Variants in ARHGEF9 observed in about 807,000 individuals in gnomAD.
The protein encoded by ARHGEF9 is Cdc42 guanine nucleotide exchange factor 9.
In ARHGEF9, 2 loss-of-function variants were observed where a neutral mutation model predicts 41.3. The ratio of observed to expected loss-of-function variants is 0.05; its 90% CI spans 0.02 to 0.15. ARHGEF9 has a LOEUF of 0.15. Among genes scored for constraint, ARHGEF9 ranks in the 10% least tolerant of loss-of-function variants. ARHGEF9 has a pLI of 1.00. For missense variants in ARHGEF9, 225 were observed against 424.7 expected, an observed-to-expected ratio of 0.53 and a Z score of 4.13; for synonymous variants, 160 against 154.4, an observed-to-expected ratio of 1.04 and a Z score of -0.27.
At chrX:63,759,148 A>G (rs1244328733) in intron 1 of ARHGEF9, among the ~76,000 whole-genome samples, 1 of 111,385 alleles carries the variant, frequency 9.0e-6, no homozygotes, top group African/African-American at 3.3e-5. Context: ...AAGCCCTTGT[A>G]TCTTAAGTCT....
chrX:63,667,969 T>C (rs1438670313), intron 6 of ARHGEF9, among the ~76,000 whole-genome samples: 1 of 110,732 alleles, frequency 9.0e-6, no homozygotes, highest in Non-Finnish European at 1.9e-5. Flanking sequence ...ACTTTGAATA[T>C]GTATGAAGTC....
intron 1 of ARHGEF9, among the ~76,000 whole-genome samples, chrX:63,767,796 C>T (rs1556452584): frequency 1.8e-5 from 2 of 112,141 alleles, no homozygotes; most frequent in African/African-American, 6.5e-5. Context: ...GCAGCGTTCA[C>T]TCCTGGCAAG....
At chrX:63,654,657 T>G (rs782239223) in intron 8 of ARHGEF9, among the ~76,000 whole-genome samples, 1 of 111,781 alleles carries the variant, frequency 8.9e-6, no homozygotes, top group Admixed American at 9.5e-5. Context: ...AGTAGGCCCA[T>G]TTTTCTAGAG....
At chrX:63,676,637 A>G (rs1556362528) in intron 5 of ARHGEF9, among the ~76,000 whole-genome samples, 1 of 111,705 alleles carries the variant, frequency 9.0e-6, no homozygotes. Context: ...AGATTGCAGC[A>G]CAGAAGCTGC....
At chrX:63,781,420 A>G (rs1556462044) in intron 1 of ARHGEF9, among the ~76,000 whole-genome samples, 1 of 111,570 alleles carries the variant, frequency 9.0e-6, no homozygotes, top group Non-Finnish European at 1.9e-5. Context: ...TAGCCCTACC[A>G]TGGTCAGAAG....
At chrX:63,683,718 C>A (rs1434319230) in intron 4 of ARHGEF9, among the ~76,000 whole-genome samples, 2 of 111,258 alleles carry the variant, frequency 1.8e-5, no homozygotes, top group Non-Finnish European at 3.8e-5. Context: ...TAATTTTTGA[C>A]AAGAGCACCA....
chrX:63,715,789 T>C (rs1405143627), intron 2 of ARHGEF9, among the ~76,000 whole-genome samples: 1 of 112,176 alleles, frequency 8.9e-6, no homozygotes, highest in Non-Finnish European at 1.9e-5. Context: ...TGCTAACATT[T>C]GTACAAAACA....
At chrX:63,707,757 A>T (rs2052652442) in intron 2 of ARHGEF9, among the ~76,000 whole-genome samples, 1 of 111,565 alleles carries the variant, frequency 9.0e-6, no homozygotes, top group South Asian at 3.8e-4. Flanking sequence ...CGGGGGGAAG[A>T]GGCTTTGGGA....
chrX:63,648,658 A>T (rs1556320058), intron 8 of ARHGEF9, among the ~76,000 whole-genome samples: 1 of 111,755 alleles, frequency 8.9e-6, no homozygotes, highest in Non-Finnish European at 1.9e-5. Flanking sequence ...AGACTGGCAC[A>T]TTGGATAAAG....
rs2147102052 is a variant in ARHGEF9 at position 63,635,206 on chromosome X, T to A, written c.*2822A>T. On this transcript the variant is annotated 3_prime_UTR_variant, in exon 10 of 10. Coordinates refer to ENST00000671741, the MANE Select transcript of ARHGEF9 (RefSeq NM_001353921.2). ...CATCCCCAAAGCACTAAAAGATCAC[T>A]ATTTGGCTTCACACTAGAATTGTTA... 4.9e-4 allele frequency: 133 copies of A among 273,647 alleles called. No homozygotes were observed. Among genetic ancestry groups the A allele is most frequent in the East Asian group, 1.6e-3 (13 of 8,038 alleles). The allele number at this position is 273,647 out of a possible 1,213,427, so 22.6% of individuals were successfully genotyped here. A position where few individuals can be genotyped will look rare whatever the true frequency, so the allele number is the denominator to read the frequency against.
chrX:63,671,903 A>G (rs2049982398), intron 6 of ARHGEF9, among the ~76,000 whole-genome samples: 1 of 112,240 alleles, frequency 8.9e-6, no homozygotes, highest in South Asian at 3.7e-4. Flanking sequence ...CCTAGAGGAC[A>G]ACTTCGCTGG....
chrX:63,722,412 T>TG (rs2053683712), intron 2 of ARHGEF9, among the ~76,000 whole-genome samples: 1 of 104,896 alleles, frequency 9.5e-6, no homozygotes. Context: ...TGTTTTTTGT[T>TG]TTTTTTTTTT....
intron 4 of ARHGEF9, among the ~76,000 whole-genome samples, chrX:63,696,419 C>T (rs1205001322): frequency 1.8e-5 from 2 of 111,750 alleles, no homozygotes; most frequent in Admixed American, 9.5e-5. Context: ...CAAACCAAAG[C>T]CCATGAAGGA....
intron 4 of ARHGEF9, among the ~76,000 whole-genome samples, chrX:63,685,147 A>G: frequency 9.0e-6 from 1 of 111,639 alleles, no homozygotes; most frequent in Non-Finnish European, 1.9e-5. Context: ...AAAAGTAACT[A>G]TGTGAGATGA....
chrX:63,678,163 C>T (rs2050389281), intron 5 of ARHGEF9, among the ~76,000 whole-genome samples, 177 bp downstream of exon 5: 1 of 111,815 alleles, frequency 8.9e-6, no homozygotes, highest in Admixed American at 9.5e-5. Flanking sequence ...AGTAACAAAG[C>T]CAGTGATAGC....
chrX:63,764,372 G>C (rs1298576965), intron 1 of ARHGEF9, among the ~76,000 whole-genome samples: 1 of 112,753 alleles, frequency 8.9e-6, no homozygotes, highest in African/African-American at 3.2e-5. Flanking sequence ...CTGTTGGTGG[G>C]AATGTAAATT....
chrX:63,646,073 GTTGT>G lies in ARHGEF9; in HGVS notation c.1322-2029_1322-2026del, dbSNP rs1163698718. Reference sequence around the variant, plus strand: ...TATCCTTCACCCACTTGTTGATGGGGTTGTTTGTTTTTTTCTTGTAAATTTGTTT... The same window carrying G: ...TATCCTTCACCCACTTGTTGATGGGGTTGTTTTTTTCTTGTAAATTTGTTT... On this transcript the variant is annotated intron_variant, in intron 8 of 9. Transcript: ENST00000671741. 1.7e-3 allele frequency among the ~76,000 whole-genome samples: 193 copies of G among 111,681 alleles called. 2 individuals carry two copies. The highest frequency in any genetic ancestry group is 5.3e-4 in the Non-Finnish European group (28 of 53,113).
intron 3 of ARHGEF9, among the ~76,000 whole-genome samples, chrX:63,702,268 G>A (rs1556396482): frequency 8.9e-6 from 1 of 112,341 alleles, no homozygotes; most frequent in East Asian, 2.8e-4. Context: ...ATAAAGCATC[G>A]TTAGCTCTGC....
rs781963948 is a variant in ARHGEF9 at position 63,676,022 on chromosome X, C to T, written c.816-1855G>A. Among the ~76,000 whole-genome samples the T allele has an allele frequency of 1.1e-4, 12 of 112,236 alleles. No homozygotes were observed. The South Asian group carries it at 1.9e-3, about 17-fold the overall frequency. ...AAATAGATGTGCAACAACCGCACAT[C>T]TTTGCACAACTGCACAACTGCACAC... On this transcript the variant is annotated intron_variant, in intron 5 of 9. Coordinates refer to ENST00000671741, the MANE Select transcript of ARHGEF9 (RefSeq NM_001353921.2).
Sources: allele counts gnomAD v4.1 joint callset (sites outside exome capture counted in the v4.1 genomes callset), GRCh38; gene constraint gnomAD v4.1.1; transcripts MANE v1.5; gene names NCBI Gene and HGNC (gene_info 2026-07-23, HGNC 2026-07-21).